The following CACNA1D variants were observed in gnomAD, a reference collection of about 807,000 sequenced individuals.
CACNA1D encodes the protein calcium voltage-gated channel subunit alpha1 D, also known as voltage-dependent L-type calcium channel subunit alpha-1D.
CACNA1D carries 55 observed loss-of-function variants against 257.1 expected under a neutral mutation model. That is an observed-to-expected ratio of 0.21 (90% CI 0.17 to 0.27). The LOEUF (loss-of-function observed/expected upper bound fraction) is 0.27. Among genes scored for constraint, CACNA1D ranks in the 10% least tolerant of loss-of-function variants. The pLI is 1.00. For synonymous variants in CACNA1D, 980 were observed against 1,014.9 expected (o/e 0.97, Z 0.65); for missense variants, 1,876 against 2,784.0 (o/e 0.67, Z 7.34).
chr3:53,542,540 A>G (rs2092320316), intron 3 of CACNA1D, among the ~76,000 whole-genome samples: 1 of 152,052 alleles, frequency 6.6e-6, no homozygotes, highest in African/African-American at 2.4e-5. Context: ...TGACTGTGCC[A>G]CTACATTCCA....
At chr3:53,810,481 C>G in intron 47 of CACNA1D, 183 bp downstream of exon 47, 1 of 676,066 alleles carries the variant, frequency 1.5e-6, no homozygotes, top group South Asian at 1.7e-5. Context: ...CCACCACTGG[C>G]TGCAGTGGCT....
At chr3:53,630,070 C>G (rs140694560) in intron 3 of CACNA1D, among the ~76,000 whole-genome samples, 1 of 152,060 alleles carries the variant, frequency 6.6e-6, no homozygotes, top group Non-Finnish European at 1.5e-5. Context: ...AAGCCAGTTA[C>G]GGGGAGGCTC....
At chr3:53,566,747 G>A (rs764069729) in intron 3 of CACNA1D, among the ~76,000 whole-genome samples, 13 of 152,190 alleles carry the variant, frequency 8.5e-5, no homozygotes, top group Non-Finnish European at 1.5e-4. Flanking sequence ...AGCCCTCCCC[G>A]AGAGCTCCTG....
intron 3 of CACNA1D, among the ~76,000 whole-genome samples, chr3:53,594,912 A>C (rs1333599247): frequency 6.6e-6 from 1 of 152,254 alleles, no homozygotes; most frequent in African/African-American, 2.4e-5. Context: ...AGATTGAGGA[A>C]AAAATGACAG....
At chr3:53,588,173 G>C (rs2093249540) in intron 3 of CACNA1D, among the ~76,000 whole-genome samples, 1 of 152,194 alleles carries the variant, frequency 6.6e-6, no homozygotes, top group Admixed American at 6.5e-5. Context: ...AGTTGTTGGG[G>C]CAAGAGCTAT....
intron 3 of CACNA1D, 55 bp from the exon 4 acceptor site, chr3:53,650,721 TCTC>T: frequency 6.4e-7 from 1 of 1,574,626 alleles, no homozygotes. Context: ...CCTTTTTCTG[TCTC>T]CTCTTCCTCC....
At chr3:53,621,339 G>A (rs561620469) in intron 3 of CACNA1D, among the ~76,000 whole-genome samples, 2 of 151,656 alleles carry the variant, frequency 1.3e-5, no homozygotes, top group Admixed American at 6.6e-5. Flanking sequence ...AAGCCTGGGC[G>A]AGCTCCACAG....
chr3:53,809,679 G>T (rs2095585947), intron 46 of CACNA1D: 1 of 465,098 alleles, frequency 2.2e-6, no homozygotes, highest in East Asian at 4.2e-5. Context: ...CCCACAGCTT[G>T]TTGGGCTTCC....
At chr3:53,665,436 T>C (rs1175481050) in intron 5 of CACNA1D, among the ~76,000 whole-genome samples, 1 of 152,184 alleles carries the variant, frequency 6.6e-6, no homozygotes, top group Non-Finnish European at 1.5e-5. Flanking sequence ...CCCTAGGCCT[T>C]AGTTTTTCCC....
At chr3:53,541,000 C>A (rs1013528289) in intron 3 of CACNA1D, among the ~76,000 whole-genome samples, 2 of 152,122 alleles carry the variant, frequency 1.3e-5, no homozygotes, top group African/African-American at 4.8e-5. Flanking sequence ...CCTCGGCCTC[C>A]CAAAGTGCTG....
chr3:53,564,632 T>A (rs963040421), intron 3 of CACNA1D, among the ~76,000 whole-genome samples: 7 of 152,234 alleles, frequency 4.6e-5, no homozygotes, highest in African/African-American at 1.7e-4. Context: ...TAGGAGTTTT[T>A]TTCTTTAGTT....
At chr3:53,650,636 G>T in intron 3 of CACNA1D, 143 bp from the exon 4 acceptor site, 1 of 853,394 alleles carries the variant, frequency 1.2e-6, no homozygotes, top group South Asian at 1.5e-5. Flanking sequence ...CAGTGTAATT[G>T]TTCCATTTCT....
chr3:53,582,068 C>A (rs1033661280), intron 3 of CACNA1D, among the ~76,000 whole-genome samples: 14 of 152,118 alleles, frequency 9.2e-5, no homozygotes, highest in African/African-American at 3.1e-4. Flanking sequence ...AATAATCCAG[C>A]CTTGGTGGAA....
At chr3:53,788,729 G>C (rs2095469091) in intron 40 of CACNA1D, among the ~76,000 whole-genome samples, 1 of 152,072 alleles carries the variant, frequency 6.6e-6, no homozygotes, top group African/African-American at 2.4e-5. Context: ...TGTTCTGGGA[G>C]CCTAATTGGG....
At chr3:53,691,792 A>T (rs1462672000) in intron 8 of CACNA1D, among the ~76,000 whole-genome samples, 3 of 73,512 alleles carry the variant, frequency 4.1e-5, no homozygotes, top group African/African-American at 1.6e-4. Flanking sequence ...TATAATATAT[A>T]TATTACATAT....
intron 3 of CACNA1D, among the ~76,000 whole-genome samples, chr3:53,524,899 G>T (rs1415622520): frequency 6.6e-6 from 1 of 152,150 alleles, no homozygotes; most frequent in Non-Finnish European, 1.5e-5. Context: ...CTTCTGAGAA[G>T]CAATGAAATG....
rs367565791 is a variant in CACNA1D, at chr3:53,732,093, G to A, written c.2473+11G>A. ...CTTGCGATGTGCCAGGTATGGTGGC[G>A]GAGGCCGGAGACGCTGGCTTTGCTG... is the stretch of plus-strand genomic sequence containing the variant. On this transcript the variant is annotated intron_variant, in intron 18 of 47. Transcript: ENST00000350061. 3.4e-5 allele frequency: 55 copies of A among 1,603,092 alleles called. No homozygotes were observed. The highest frequency in any genetic ancestry group is 2.0e-4 in the East Asian group (9 of 44,836).
chr3:53,630,622 C>T (rs1379065862), intron 3 of CACNA1D, among the ~76,000 whole-genome samples: 4 of 152,178 alleles, frequency 2.6e-5, no homozygotes, highest in Non-Finnish European at 5.9e-5. Context: ...CATGAGAGTT[C>T]AGTATGGCTT....
chr3:53,637,351 TCA>T (rs1197535701), intron 3 of CACNA1D, among the ~76,000 whole-genome samples: 3 of 152,248 alleles, frequency 2.0e-5, no homozygotes, highest in Admixed American at 2.0e-4. Flanking sequence ...TTTCTTGCCC[TCA>T]CATGTGGATC....
Sources: gnomAD v4.1 joint callset for allele counts (sites outside exome capture counted in the v4.1 genomes callset) on GRCh38, gnomAD v4.1.1 for gene constraint, MANE v1.5 for transcripts, NCBI Gene and HGNC (gene_info 2026-07-23, HGNC 2026-07-21) for gene names.